Variants in EHMT2 observed in about 807,000 individuals in gnomAD.
EHMT2 encodes the protein euchromatic histone lysine methyltransferase 2.
In EHMT2, 59 loss-of-function variants were observed where a neutral mutation model predicts 143.3. The observed-to-expected ratio is 0.41, with a 90% CI of 0.33 to 0.51. The LOEUF is 0.51. EHMT2 is among the 20% of genes least tolerant of loss of function. The probability of loss-of-function intolerance (pLI) is 0.18; values close to 1 mark genes in which losing one functional copy is unlikely to be tolerated. For missense variants in EHMT2, 1,174 were observed against 1,645.9 expected, an observed-to-expected ratio of 0.71 and a Z score of 4.96; for synonymous variants, 604 against 651.5, an observed-to-expected ratio of 0.93 and a Z score of 1.11.
chr6:31,892,449 A>G (rs753154233), exon 7 of EHMT2: 32 of 1,612,944 alleles, frequency 2.0e-5, no homozygotes, highest in Non-Finnish European at 2.6e-5. Context: ...AGTAGGAATC[A>G]TAGTAGAGAC....
At chr6:31,895,656 C>A (rs2243873) in intron 4 of EHMT2, 92,657 of 151,866 alleles carry the variant, frequency 0.61, 28,716 homozygotes, top group Admixed American at 0.74. Flanking sequence ...AACAAAAAAA[C>A]CCCTACTTAT....
rs1764588816 is a variant in EHMT2, at chr6:31,884,701, G to T, written c.2547C>A (p.Tyr849Ter). Reference sequence around the variant, plus strand: ...CGATGTGCAGGGGGGTGTCCCCATGGTAGTTGACAGCATGGAGGTCACAGC... The same window carrying T: ...CGATGTGCAGGGGGGTGTCCCCATGTTAGTTGACAGCATGGAGGTCACAGC... Residue 849 changes from tyrosine (Y) to a stop codon, truncating the protein, a stop_gained, in exon 20 of 28, where the codon TAC (tyrosine) becomes TAA (stop). Coordinates refer to ENST00000375537, the Ensembl canonical transcript of EHMT2. LOFTEE classifies it high-confidence loss of function. This position sits in a 1 kb window ranked among gnomAD's most constrained non-coding sequence, Gnocchi z 7.3. 5.0e-6 allele frequency: 8 copies of T among 1,588,836 alleles called. No homozygotes were observed. The highest frequency in any genetic ancestry group is 6.9e-6 in the Non-Finnish European group (8 of 1,165,704).
chr6:31,896,512 A>G (rs781096157), exon 4 of EHMT2: 1 of 1,612,722 alleles, frequency 6.2e-7, no homozygotes, highest in Non-Finnish European at 8.5e-7. Context: ...ACTTTGTGGC[A>G]TGGCCTAGAA....
chr6:31,880,638 C>A lies in EHMT2; in HGVS notation c.3452+35G>T, dbSNP rs963469930. ...CCCAGGTTTGCTGCATCTCCCACCC[C>A]CTGGCAGAGCCCCTAGAGACCCCTA... On this transcript the variant is annotated intron_variant, in intron 27 of 27. Coordinates refer to ENST00000375537, the Ensembl canonical transcript of EHMT2. This position sits in a 1 kb window ranked among gnomAD's most constrained non-coding sequence, Gnocchi z 6.6. 1 of 1,607,950 alleles carries A rather than the reference C, an allele frequency of 6.2e-7. No homozygotes were observed. Among genetic ancestry groups the A allele is most frequent in the East Asian group, 2.2e-5 (1 of 44,792 alleles).
At chr6:31,893,310 C>A in intron 4 of EHMT2, 1 of 444,444 alleles carries the variant, frequency 2.3e-6, no homozygotes, top group South Asian at 1.7e-5. Flanking sequence ...AACATTCAGC[C>A]ATAAAAAGGA....
chr6:31,891,900 G>A (rs2151643406), intron 7 of EHMT2, among the ~76,000 whole-genome samples: 1 of 152,170 alleles, frequency 6.6e-6, no homozygotes, highest in South Asian at 2.1e-4. Context: ...AATCCCATGT[G>A]CAGGGTGGTG....
Position 31,881,594 on chromosome 6 carries a change from A to AGGACGT in EHMT2, c.3198-508_3198-503dup, listed in dbSNP as rs1209818223. 2 of 186,104 alleles carry AGGACGT rather than the reference A, an allele frequency of 1.1e-5. No homozygotes were observed. Among genetic ancestry groups the AGGACGT allele is most frequent in the African/African-American group, 4.6e-5 (2 of 43,342 alleles). The allele number at this position is 186,104 out of a possible 1,614,324, so 11.5% of individuals were successfully genotyped here. A position where few individuals can be genotyped will look rare whatever the true frequency, so the allele number is the denominator to read the frequency against. ...ACATGGGAGATTCAGACACACGGAGAGGACGTGGGTGGGAAGTGACTGTCA... is the reference window on the plus strand; with the variant it reads ...ACATGGGAGATTCAGACACACGGAGAGGACGTGGACGTGGGTGGGAAGTGACTGTCA... On this transcript the variant is annotated intron_variant, in intron 25 of 27. Transcript: ENST00000375537. The surrounding 1 kb of genome is among the most constrained non-coding windows in gnomAD (Gnocchi z 4.8).
In EHMT2 at chr6:31,892,572, G is replaced by C; in HGVS notation, c.709-10C>G. 6.2e-7 allele frequency: 1 copy of C among 1,612,692 alleles called. No individual in the cohort carries two copies. The highest frequency in any genetic ancestry group is 8.5e-7 in the Non-Finnish European group (1 of 1,179,870). ...AACCTAACTCCTCTGACTAGAAAAA[G>C]ATCAGAAAAATTGAGGCCACTGACA... On this transcript the variant is annotated splice_polypyrimidine_tract_variant and intron_variant, in intron 6 of 27. Coordinates refer to ENST00000375537, the Ensembl canonical transcript of EHMT2.
rs760814858 is a variant in EHMT2, at chr6:31,892,698, C to A, written c.704G>T (p.Gly235Val). ...GGCTCTGCCTCTGCTGCTTACCAGG[C>A]CACCTCCTGAGTTCAGCTTCCTCCT... The change falls in exon 6 of 28, where the codon GGC becomes GTC. Residue 235 changes from glycine (G) to valine (V), a missense_variant. Physicochemically the swap from Gly to Val is moderately radical, Grantham distance 109. Transcript: ENST00000375537. 5 of 1,613,102 alleles carry A rather than the reference C, an allele frequency of 3.1e-6. No homozygotes were observed. Among genetic ancestry groups the A allele is most frequent in the South Asian group, 2.2e-5 (2 of 91,088 alleles).
chr6:31,882,882 G>A lies in EHMT2; in HGVS notation c.3110+12C>T. On this transcript the variant is annotated intron_variant, in intron 24 of 27. Coordinates refer to ENST00000375537, the Ensembl canonical transcript of EHMT2. ...AGGTGGGGAGAGGGTGGGCTGTGGA[G>A]CAGGGCCTCACTTGATGCCACTCTG... 3 of 1,612,478 alleles carry A rather than the reference G, an allele frequency of 1.9e-6. No individual in the cohort carries two copies. Among genetic ancestry groups the A allele is most frequent in the East Asian group, 2.2e-5 (1 of 44,888 alleles).
Position 31,883,569 on chromosome 6 carries a change from G to A in EHMT2, c.2917-130C>T, listed in dbSNP as rs1459898745. ...TGTGTTACAACAGTGGGTGGTGATG[G>A]TCCTAGGGTGACGGGTAATCAGTAT... On this transcript the variant is annotated intron_variant, in intron 22 of 27. Coordinates refer to ENST00000375537, the Ensembl canonical transcript of EHMT2. The surrounding 1 kb of genome is among the most constrained non-coding windows in gnomAD (Gnocchi z 5.6). 3 of 1,059,244 alleles carry A rather than the reference G, an allele frequency of 2.8e-6. No individual in the cohort carries two copies. Among genetic ancestry groups the A allele is most frequent in the Non-Finnish European group, 4.2e-6 (3 of 710,296 alleles). 65.6% of individuals were successfully genotyped at this position (1,059,244 alleles called of 1,614,324 possible). A position where few individuals can be genotyped will look rare whatever the true frequency, so the allele number is the denominator to read the frequency against.
intron 4 of EHMT2, chr6:31,895,402 C>G (rs917246863): frequency 2.5e-4 from 38 of 150,272 alleles, no homozygotes; most frequent in Middle Eastern, 3.4e-3. Context: ...TTTCTTTTTG[C>G]GGCTCCTTCC....
At position 31,884,569 on chromosome 6, in the gene EHMT2, G is replaced by A. The variant is rs776604362; in HGVS notation, c.2604-10C>T. The A allele has an allele frequency of 5.6e-6, 9 of 1,612,414 alleles. No homozygotes were observed. In the Admixed American group the frequency reaches 8.3e-5, roughly 15 times the overall value. ...ACGTGACAGGAATAACCTGAAGAGG[G>A]GACAGGATGCCCAATGCAGGGTCTG... On this transcript the variant is annotated splice_polypyrimidine_tract_variant and intron_variant, in intron 20 of 27. Coordinates refer to ENST00000375537, the Ensembl canonical transcript of EHMT2. The surrounding 1 kb of genome is among the most constrained non-coding windows in gnomAD (Gnocchi z 7.3).
chr6:31,894,617 A>G (rs1260121029), intron 4 of EHMT2, among the ~76,000 whole-genome samples: 2 of 152,024 alleles, frequency 1.3e-5, no homozygotes, highest in Non-Finnish European at 2.9e-5. Flanking sequence ...TTTACGTGAC[A>G]CTAGTCCCCT....
Position 31,883,297 on chromosome 6 carries a change from T to G in EHMT2, c.2994+65A>C. On this transcript the variant is annotated intron_variant, in intron 23 of 27. Coordinates refer to ENST00000375537, the Ensembl canonical transcript of EHMT2. This position sits in a 1 kb window ranked among gnomAD's most constrained non-coding sequence, Gnocchi z 5.6. ...AGGGACATGGTCCCAGGGAGCTGGT[T>G]TATTGGAGGCTGGCTCCTCTGAAGG... The G allele has an allele frequency of 2.0e-6, 3 of 1,511,948 alleles. No individual in the cohort carries two copies. The highest frequency in any genetic ancestry group is 2.7e-6 in the Non-Finnish European group (3 of 1,092,432). 93.7% of individuals were successfully genotyped at this position (1,511,948 alleles called of 1,614,324 possible).
chr6:31,890,608 G>C (rs976052996), intron 7 of EHMT2, among the ~76,000 whole-genome samples: 1 of 148,620 alleles, frequency 6.7e-6, no homozygotes, highest in Admixed American at 6.7e-5. Context: ...GCTCACGCCT[G>C]TAATCCCAGC....
rs1170699557 is a variant in EHMT2, at chr6:31,881,740, AT to A, written c.3198-649del. Among the ~76,000 whole-genome samples, 1 of 152,188 alleles carries A rather than the reference AT, an allele frequency of 6.6e-6. No individual in the cohort carries two copies. Among genetic ancestry groups the A allele is most frequent in the Non-Finnish European group, 1.5e-5 (1 of 68,032 alleles). ...GGCTGCTTGCCAGAGAAGTTGAGAG[AT>A]GACATGATGGAAAGAAACTGGATGG... On this transcript the variant is annotated intron_variant, in intron 25 of 27. Transcript: ENST00000375537. This position sits in a 1 kb window ranked among gnomAD's most constrained non-coding sequence, Gnocchi z 4.8.
rs936026295 is a variant in EHMT2, at chr6:31,889,160, T to C, written c.1114+68A>G. 2 of 1,545,742 alleles carry C rather than the reference T, an allele frequency of 1.3e-6. No individual in the cohort carries two copies. Among genetic ancestry groups the C allele is most frequent in the African/African-American group, 1.4e-5 (1 of 73,482 alleles). Reference sequence around the variant, plus strand: ...AGGTGGACATGCGAGAGCGTGTGTGTGCGTGCACACACTCTGGGGGGCCGG... The same window carrying C: ...AGGTGGACATGCGAGAGCGTGTGTGCGCGTGCACACACTCTGGGGGGCCGG... On this transcript the variant is annotated intron_variant, in intron 9 of 27. Transcript: ENST00000375537. This position sits in a 1 kb window ranked among gnomAD's most constrained non-coding sequence, Gnocchi z 5.1.
At position 31,888,292 on chromosome 6, in the gene EHMT2, C is replaced by T. The variant is rs1229128435; in HGVS notation, c.1510-16G>A. 2 of 1,612,430 alleles carry T rather than the reference C, an allele frequency of 1.2e-6. No homozygotes were observed. Among genetic ancestry groups the T allele is most frequent in the Non-Finnish European group, 8.5e-7 (1 of 1,179,666 alleles). On this transcript the variant is annotated splice_polypyrimidine_tract_variant and intron_variant, in intron 12 of 27. Transcript: ENST00000375537. The surrounding 1 kb of genome is among the most constrained non-coding windows in gnomAD (Gnocchi z 7.4). ...GGAAGGTGCCCTGGGAGCAGGGAAACGACATGGTCAGGTTACTGGGGCCCC... is the reference window on the plus strand; with the variant it reads ...GGAAGGTGCCCTGGGAGCAGGGAAATGACATGGTCAGGTTACTGGGGCCCC...
Sources: gnomAD v4.1 joint callset for allele counts (sites outside exome capture counted in the v4.1 genomes callset) on GRCh38, gnomAD v4.1.1 for gene constraint, Gnocchi (gnomAD v3.1) non-coding constraint, MANE v1.5 for transcripts, NCBI Gene and HGNC (gene_info 2026-07-23, HGNC 2026-07-21) for gene names.